TEP1: variants seen among roughly 807,000 people sequenced by gnomAD.
TEP1 encodes the protein telomerase associated protein 1.
In TEP1, 241 loss-of-function variants were observed where a neutral mutation model predicts 306.3. The observed-to-expected ratio is 0.79, with a 90% CI of 0.71 to 0.88. The LOEUF is 0.88. Ranked by LOEUF, TEP1 falls within the 40% of genes least tolerant of loss-of-function variation. The probability of loss-of-function intolerance (pLI) is 0.00; values close to 1 mark genes in which losing one functional copy is unlikely to be tolerated. For missense variants in TEP1, 3,051 were observed against 3,276.1 expected (o/e 0.93, Z 1.68); for synonymous variants, 1,289 against 1,305.5 (o/e 0.99, Z 0.27).
In TEP1 at chr14:20,367,041, C is replaced by T. The variant is rs1051781211; in HGVS notation, c.*1396G>A. ...GGCTAACCTGCTCAATAGATTCTTC[C>T]ATATGATTGAATTTTAGAAATATAA... On this transcript the variant is annotated 3_prime_UTR_variant, in exon 55 of 55. Coordinates refer to ENST00000262715, the MANE Select transcript of TEP1 (RefSeq NM_007110.5). 6.6e-6 allele frequency: 1 copy of T among 152,204 alleles called. No individual in the cohort carries two copies. Among genetic ancestry groups the T allele is most frequent in the African/African-American group, 2.4e-5 (1 of 41,448 alleles). 9.4% of individuals were successfully genotyped at this position (152,204 alleles called of 1,614,324 possible).
Position 20,396,572 on chromosome 14 carries a change from G to A in TEP1, c.1659+49C>T, listed in dbSNP as rs78224652. 2,008 of 1,514,046 alleles carry A rather than the reference G, an allele frequency of 1.3e-3. 18 individuals carry two copies. In the African/African-American group the frequency reaches 0.024, roughly 18 times the overall value. The allele number at this position is 1,514,046 out of a possible 1,614,324, so 93.8% of individuals were successfully genotyped here. A position where few individuals can be genotyped will look rare whatever the true frequency, so the allele number is the denominator to read the frequency against. ...TCTAAAGCAGCAGTGGCCTCTCCAC[G>A]TGCACATCTAGTTGCTGGGCCCCAT... is the stretch of plus-strand genomic sequence containing the variant. On this transcript the variant is annotated intron_variant, in intron 10 of 54. Transcript: ENST00000262715.
chr14:20,368,961 G>A, intron 53 of TEP1, 59 bp from the exon 54 acceptor site: 4 of 1,226,204 alleles, frequency 3.3e-6, no homozygotes, highest in South Asian at 2.5e-5. Context: ...CCTCAGAGAA[G>A]CATCACAATG....
At position 20,413,433 on chromosome 14, in the gene TEP1, G is replaced by A. The variant is rs548857983; in HGVS notation, c.-53C>T. The A allele has an allele frequency of 3.3e-5, 5 of 152,592 alleles. No homozygotes were observed. The highest frequency in any genetic ancestry group is 1.2e-4 in the African/African-American group (5 of 41,598). The allele number at this position is 152,592 out of a possible 1,614,324, so 9.5% of individuals were successfully genotyped here. A position where few individuals can be genotyped will look rare whatever the true frequency, so the allele number is the denominator to read the frequency against. On this transcript the variant is annotated 5_prime_UTR_variant, in exon 1 of 55. Coordinates refer to ENST00000262715, the MANE Select transcript of TEP1 (RefSeq NM_007110.5). ...GGGCGTCCGATTCCCGCAGCAGGAA[G>A]CAGAAACTTCGCTCTGGATTCTGCC...
At chr14:20,393,222 A>T (rs1028452955) in intron 12 of TEP1, among the ~76,000 whole-genome samples, 1 of 152,116 alleles carries the variant, frequency 6.6e-6, no homozygotes, top group Non-Finnish European at 1.5e-5. Context: ...GTCTCAAAAA[A>T]AAAAAGAGAA....
chr14:20,405,146 G>A (rs9888590), intron 4 of TEP1, among the ~76,000 whole-genome samples: 10,699 of 152,206 alleles, frequency 0.07, 979 homozygotes, highest in African/African-American at 0.21. Context: ...CTTTGCTTCA[G>A]AAATGTTCAC....
Position 20,384,191 on chromosome 14 carries a change from A to G in TEP1, c.3381T>C (p.Asp1127=), listed in dbSNP as rs1876896032. ...LLEQPVSIPD[D]DLVQATFQQL... ...GCTGGAAGGTGGCCTGGACCAAGTC[A>G]TCGTCTGGGATGGACACTGGCTGCT... Residue 1127 remains aspartate, a synonymous_variant, in exon 24 of 55, where the codon GAT becomes GAC. Transcript: ENST00000262715. 6.2e-7 allele frequency: 1 copy of G among 1,614,046 alleles called. No homozygotes were observed. The highest frequency in any genetic ancestry group is 1.3e-5 in the African/African-American group (1 of 74,918).
chr14:20,389,604 C>A lies in TEP1; in HGVS notation c.2465+6G>T, dbSNP rs1326274741. ...GACACTGGGCAGGAAGTATAAGCACCCTTACAGGTATTGTACCCTTCTTAG... is the reference window on the plus strand; with the variant it reads ...GACACTGGGCAGGAAGTATAAGCACACTTACAGGTATTGTACCCTTCTTAG... On this transcript the variant is annotated splice_donor_region_variant and intron_variant, in intron 16 of 54. Transcript: ENST00000262715. The A allele has an allele frequency of 1.9e-6, 3 of 1,613,882 alleles. No individual in the cohort carries two copies. Among genetic ancestry groups the A allele is most frequent in the Non-Finnish European group, 1.7e-6 (2 of 1,179,882 alleles).
In TEP1 at chr14:20,401,820, A is replaced by G. The variant is rs146656308; in HGVS notation, c.1267-239T>C. Among the ~76,000 whole-genome samples, 29 of 152,262 alleles carry G rather than the reference A, an allele frequency of 1.9e-4. No homozygotes were observed. In the East Asian group the frequency reaches 4.6e-3, roughly 24 times the overall value. On this transcript the variant is annotated intron_variant, in intron 7 of 54. Coordinates refer to ENST00000262715, the MANE Select transcript of TEP1 (RefSeq NM_007110.5). ...TGTTTCATTCACACAAGCAGTTAACATGGGTTGACTGGCTTGTGAGAAACA... is the reference window on the plus strand; with the variant it reads ...TGTTTCATTCACACAAGCAGTTAACGTGGGTTGACTGGCTTGTGAGAAACA...
At position 20,369,793 on chromosome 14, in the gene TEP1, G is replaced by A; in HGVS notation, c.7318-14C>T. The A allele has an allele frequency of 6.2e-7, 1 of 1,608,362 alleles. No homozygotes were observed. The highest frequency in any genetic ancestry group is 8.5e-7 in the Non-Finnish European group (1 of 1,175,570). ...TTCCTTTTGCCTCTGTGAAAGAATA[G>A]GTAATTTTGTTTAGCCTACCCATAT... On this transcript the variant is annotated splice_polypyrimidine_tract_variant and intron_variant, in intron 51 of 54. Coordinates refer to ENST00000262715, the MANE Select transcript of TEP1 (RefSeq NM_007110.5).
chr14:20,385,162 C>T, intron 20 of TEP1, 53 bp from the exon 21 acceptor site: 1 of 1,603,744 alleles, frequency 6.2e-7, no homozygotes, highest in Admixed American at 1.7e-5. Context: ...ATGACCCTCC[C>T]TCCAGACCTG....
intron 13 of TEP1, 133 bp downstream of exon 13, chr14:20,391,466 G>A (rs1251365908): frequency 1.8e-6 from 2 of 1,101,676 alleles, no homozygotes; most frequent in Non-Finnish European, 2.6e-6. Context: ...ACTGATACTT[G>A]GAAGCAAATT....
At chr14:20,388,524 TA>T (rs1186515873) in intron 17 of TEP1, among the ~76,000 whole-genome samples, 2 of 151,934 alleles carry the variant, frequency 1.3e-5, no homozygotes, top group Admixed American at 1.3e-4. Flanking sequence ...GAGAGACAGA[TA>T]AAAAAAACGT....
In TEP1 at chr14:20,388,065, T is replaced by C; in HGVS notation, c.2526-2A>G. ...GAGGCCCCATGCTCTGCAATGAACC[T>C]GACATAAATAACAAGATAAATGAGA... On this transcript the variant is annotated splice_acceptor_variant, in intron 17 of 54. Transcript: ENST00000262715. LOFTEE classifies it high-confidence loss of function. 6.2e-7 allele frequency: 1 copy of C among 1,613,932 alleles called. No homozygotes were observed. Among genetic ancestry groups the C allele is most frequent in the Non-Finnish European group, 8.5e-7 (1 of 1,179,958 alleles).
At position 20,383,396 on chromosome 14, in the gene TEP1, G is replaced by A. The variant is rs751723997; in HGVS notation, c.3868-43C>T. ...AGGGGCAGGAAGGTAGAAAGAAAAG[G>A]AGAACCACATTGGAGAGGCCTCTCT... On this transcript the variant is annotated intron_variant, in intron 26 of 54. Transcript: ENST00000262715. 7 of 1,601,518 alleles carry A rather than the reference G, an allele frequency of 4.4e-6. No homozygotes were observed. In the South Asian group the frequency reaches 6.7e-5, roughly 15 times the overall value.
intron 11 of TEP1, 113 bp downstream of exon 11, chr14:20,395,746 C>T (rs548828788): frequency 3.2e-5 from 48 of 1,483,788 alleles, no homozygotes; most frequent in Non-Finnish European, 4.2e-5. Context: ...CTCTGCCCCC[C>T]ACCCCGATAC....
chr14:20,394,716 G>A (rs1878041873), intron 12 of TEP1, among the ~76,000 whole-genome samples: 1 of 151,962 alleles, frequency 6.6e-6, no homozygotes, highest in Non-Finnish European at 1.5e-5. Context: ...CTGACCTCAT[G>A]ATCCACCTGC....
Position 20,394,086 on chromosome 14 carries a change from T to TC in TEP1, c.1928+1363dup, listed in dbSNP as rs148207836. ...TGGGTGATGGGAATAAAATCCTGTC[T>TC]CAAAAAAAAAAGGGACAGGGTCTTC... On this transcript the variant is annotated intron_variant, in intron 12 of 54. Coordinates refer to ENST00000262715, the MANE Select transcript of TEP1 (RefSeq NM_007110.5). Among the ~76,000 whole-genome samples, 1,170 of 150,038 alleles carry TC rather than the reference T, an allele frequency of 7.8e-3. 12 individuals carry two copies. Among genetic ancestry groups the TC allele is most frequent in the Non-Finnish European group, 0.014 (930 of 67,532 alleles).
In TEP1 at chr14:20,377,682, G is replaced by C. The variant is rs780723830; in HGVS notation, c.5793C>G (p.Leu1931=). Residue 1931 remains leucine, a synonymous_variant, in exon 40 of 55, where the codon CTC becomes CTG. Transcript: ENST00000262715. The part of the protein sequence containing the change: ...HLGSLSLSPA[L]SVALSPDGDR... Reference sequence around the variant, plus strand: ...CACCATCTGGGCTGAGTGCCACAGAGAGGGCAGGAGAGAGAGAAAGGGAAC... The same window carrying C: ...CACCATCTGGGCTGAGTGCCACAGACAGGGCAGGAGAGAGAGAAAGGGAAC... 8.7e-6 allele frequency: 14 copies of C among 1,614,142 alleles called. No individual in the cohort carries two copies. The highest frequency in any genetic ancestry group is 1.2e-5 in the Non-Finnish European group (14 of 1,180,028).
chr14:20,401,996 C>A lies in TEP1; in HGVS notation c.1267-415G>T, dbSNP rs187011024. Among the ~76,000 whole-genome samples the A allele has an allele frequency of 3.9e-5, 6 of 152,238 alleles. No individual in the cohort carries two copies. In the East Asian group the frequency reaches 1.2e-3, roughly 29 times the overall value. ...GAGGAGTTTAAAAACTAAAAGTAGGCAGGGCGTGGTGGCTCATGCCTATAA... is the reference window on the plus strand; with the variant it reads ...GAGGAGTTTAAAAACTAAAAGTAGGAAGGGCGTGGTGGCTCATGCCTATAA... On this transcript the variant is annotated intron_variant, in intron 7 of 54. Transcript: ENST00000262715.
Sources: gnomAD v4.1 joint callset for allele counts (sites outside exome capture counted in the v4.1 genomes callset) on GRCh38, gnomAD v4.1.1 for gene constraint, MANE v1.5 for transcripts, NCBI Gene and HGNC (gene_info 2026-07-23, HGNC 2026-07-21) for gene names.